OSBPL10: variants seen among roughly 807,000 people sequenced by gnomAD.
OSBPL10 encodes the protein oxysterol binding protein like 10.
In OSBPL10, 49 loss-of-function variants were observed where a neutral mutation model predicts 81.7. That is an observed-to-expected ratio of 0.60 (90% confidence interval 0.48 to 0.76). The LOEUF (loss-of-function observed/expected upper bound fraction) is 0.76. Ranked by LOEUF, OSBPL10 falls within the 30% of genes least tolerant of loss-of-function variation. The pLI, the probability that OSBPL10 is intolerant of heterozygous loss-of-function variation, is 0.00. For missense variants in OSBPL10, 923 were observed against 987.8 expected (o/e 0.93, Z 0.88); for synonymous variants, 419 against 383.6 (o/e 1.09, Z -1.08).
intron 1 of OSBPL10, among the ~76,000 whole-genome samples, chr3:32,068,996 G>C (rs536937851): frequency 6.6e-6 from 1 of 151,692 alleles, no homozygotes. Flanking sequence ...CCCCACACCC[G>C]GTCTGGTTTA....
At chr3:32,022,964 C>T (rs1043891121) in intron 2 of OSBPL10, among the ~76,000 whole-genome samples, 4 of 151,986 alleles carry the variant, frequency 2.6e-5, no homozygotes, top group African/African-American at 7.2e-5. Flanking sequence ...CATCTGTGTG[C>T]CAGTGGATCT....
At chr3:31,987,666 T>C (rs925548824) in intron 2 of OSBPL10, among the ~76,000 whole-genome samples, 8 of 152,174 alleles carry the variant, frequency 5.3e-5, no homozygotes, top group African/African-American at 1.9e-4. Flanking sequence ...CCAGGCTTGT[T>C]TTCATGGCAT....
At chr3:31,791,123 A>G (rs1413683055) in intron 4 of OSBPL10, among the ~76,000 whole-genome samples, 1 of 152,240 alleles carries the variant, frequency 6.6e-6, no homozygotes, top group African/African-American at 2.4e-5. Flanking sequence ...TTTACAAAAC[A>G]AAACATTTTT....
chr3:31,904,052 G>A (rs1340718930), intron 1 of OSBPL10, among the ~76,000 whole-genome samples: 4 of 152,060 alleles, frequency 2.6e-5, no homozygotes, highest in Non-Finnish European at 4.4e-5. Flanking sequence ...TAATACTACC[G>A]CCCTAAAAGT....
At chr3:31,898,951 C>CTTTTTT (rs201574850) in intron 1 of OSBPL10, among the ~76,000 whole-genome samples, 3 of 87,344 alleles carry the variant, frequency 3.4e-5, no homozygotes, top group Non-Finnish European at 6.3e-5. Flanking sequence ...AACTTTAAAC[C>CTTTTTT]TTTTTTTTTT....
intron 2 of OSBPL10, among the ~76,000 whole-genome samples, chr3:32,011,546 A>G (rs1275290074): frequency 6.6e-6 from 1 of 152,244 alleles, no homozygotes; most frequent in Non-Finnish European, 1.5e-5. Context: ...CTCCTCCTCC[A>G]AAGGAATGCA....
chr3:32,035,187 T>C (rs1298598532), intron 2 of OSBPL10, among the ~76,000 whole-genome samples: 3 of 152,104 alleles, frequency 2.0e-5, no homozygotes, highest in Non-Finnish European at 2.9e-5. Context: ...GGAGCCTGCC[T>C]GAAGAAAATT....
intron 6 of OSBPL10, among the ~76,000 whole-genome samples, chr3:31,722,224 G>A (rs1435389171): frequency 6.6e-6 from 1 of 152,064 alleles, no homozygotes; most frequent in African/African-American, 2.4e-5. Flanking sequence ...TGTACCTTAT[G>A]TCCAACCAAT....
chr3:31,965,011 A>G (rs1000710646), intron 1 of OSBPL10, among the ~76,000 whole-genome samples: 2 of 152,166 alleles, frequency 1.3e-5, no homozygotes, highest in Non-Finnish European at 2.9e-5. Flanking sequence ...AATTCATCCA[A>G]TGACAACCAA....
At chr3:31,744,669 T>C (rs1225611711) in intron 5 of OSBPL10, among the ~76,000 whole-genome samples, 1 of 152,104 alleles carries the variant, frequency 6.6e-6, no homozygotes, top group Non-Finnish European at 1.5e-5. Flanking sequence ...GGGACACTTC[T>C]TGGTCTCCCC....
intron 7 of OSBPL10, among the ~76,000 whole-genome samples, chr3:31,690,561 GAAT>G (rs1041918108): frequency 6.6e-6 from 1 of 152,202 alleles, no homozygotes; most frequent in South Asian, 2.1e-4. Context: ...CAATACCTGA[GAAT>G]AATAATTTTC....
chr3:31,761,579 G>C (rs1698042822), intron 4 of OSBPL10, among the ~76,000 whole-genome samples: 1 of 151,984 alleles, frequency 6.6e-6, no homozygotes. Context: ...CACTTTGGGA[G>C]GCCGAAGTGG....
chr3:31,944,620 C>T (rs1395753550), intron 1 of OSBPL10, among the ~76,000 whole-genome samples: 4 of 151,350 alleles, frequency 2.6e-5, no homozygotes, highest in Admixed American at 2.6e-4. Context: ...CCTGAATAGA[C>T]TAAGGACAAC....
At chr3:31,852,225 T>C (rs1165033864) in intron 3 of OSBPL10, among the ~76,000 whole-genome samples, 1 of 152,114 alleles carries the variant, frequency 6.6e-6, no homozygotes, top group Non-Finnish European at 1.5e-5. Flanking sequence ...AGGCAGGGAT[T>C]TCTCAATGAG....
chr3:31,875,993 G>T (rs1342194371), intron 3 of OSBPL10, among the ~76,000 whole-genome samples: 2 of 152,036 alleles, frequency 1.3e-5, no homozygotes, highest in Non-Finnish European at 2.9e-5. Flanking sequence ...AATTACCCGA[G>T]AACATTTTGA....
chr3:31,878,692 ACTTAGCT>A (rs1701542809), intron 2 of OSBPL10, among the ~76,000 whole-genome samples: 1 of 152,172 alleles, frequency 6.6e-6, no homozygotes, highest in African/African-American at 2.4e-5. Flanking sequence ...GTTTCTTCAT[ACTTAGCT>A]CTTAGTCAAA....
chr3:31,776,633 A>G (rs756622089), intron 4 of OSBPL10, among the ~76,000 whole-genome samples: 9 of 152,232 alleles, frequency 5.9e-5, no homozygotes, highest in Non-Finnish European at 1.3e-4. Context: ...GGAATGAAAT[A>G]CTAGTACATG....
chr3:31,683,908 G>A lies in OSBPL10; in HGVS notation c.1452C>T (p.Gly484=), dbSNP rs766805096. Residue 484 remains glycine (G), a synonymous_variant, in exon 8 of 12, where the codon GGC becomes GGT. Transcript: ENST00000396556. ...CTTCCCAGGAGCAGTGAAATGTCTC[G>A]CCTATGATGGGGTTGTAGGGCTTCT... ...LAKKPYNPII[G]ETFHCSWEVP... 1.9e-5 allele frequency: 30 copies of A among 1,614,228 alleles called. No homozygotes were observed. The Admixed American group carries it at 3.3e-4, about 18-fold the overall frequency.
At chr3:31,785,198 TTGA>T (rs1199571588) in intron 4 of OSBPL10, among the ~76,000 whole-genome samples, 2 of 152,214 alleles carry the variant, frequency 1.3e-5, no homozygotes, top group African/African-American at 4.8e-5. Flanking sequence ...ATATTTTCAT[TTGA>T]TGATATCAGA....
Sources: gnomAD v4.1 joint callset for allele counts (sites outside exome capture counted in the v4.1 genomes callset) on GRCh38, gnomAD v4.1.1 for gene constraint, MANE v1.5 for transcripts, NCBI Gene and HGNC (gene_info 2026-07-23, HGNC 2026-07-21) for gene names.